LIN54: variants seen among roughly 807,000 people sequenced by gnomAD.
The protein encoded by LIN54 is protein lin-54 homolog.
In LIN54, 9 loss-of-function variants were observed where a neutral mutation model predicts 78.7. The ratio of observed to expected loss-of-function variants is 0.11; its 90% CI spans 0.07 to 0.20. The LOEUF is 0.20. Ranked by LOEUF, LIN54 falls within the 10% of genes least tolerant of loss-of-function variation. The probability of loss-of-function intolerance (pLI) is 1.00; values close to 1 mark genes in which losing one functional copy is unlikely to be tolerated. For synonymous variants in LIN54, 269 were observed against 318.4 expected, an observed-to-expected ratio of 0.84 and a Z score of 1.65; for missense variants, 573 against 889.9, an observed-to-expected ratio of 0.64 and a Z score of 4.53.
At position 82,970,487 on chromosome 4, in the gene LIN54, C is replaced by T. The variant is rs765365831; in HGVS notation, c.809-18G>A. ...AACCCTACCTGCAAATGAGAGGCAG[C>T]ACATCAGTTTGACTTTTTTCAATAA... On this transcript the variant is annotated intron_variant, in intron 3 of 12. Transcript: ENST00000340417. 7 of 1,594,086 alleles carry T rather than the reference C, an allele frequency of 4.4e-6. No homozygotes were observed. In the Admixed American group the frequency reaches 1.1e-4, roughly 25 times the overall value.
chr4:83,002,353 C>G (rs1480327537), intron 1 of LIN54, among the ~76,000 whole-genome samples: 3 of 142,722 alleles, frequency 2.1e-5, no homozygotes, highest in Non-Finnish European at 3.0e-5. Context: ...AGCAACATAG[C>G]GAGACCTCAC....
intron 1 of LIN54, among the ~76,000 whole-genome samples, chr4:82,990,486 C>CT (rs563326471): frequency 1.3e-3 from 195 of 144,900 alleles, no homozygotes; most frequent in South Asian, 6.8e-3. Flanking sequence ...TAACACAAAT[C>CT]TTTTTTTTTT....
At chr4:82,999,797 G>GAAATT (rs1560792522) in intron 1 of LIN54, among the ~76,000 whole-genome samples, 2 of 137,728 alleles carry the variant, frequency 1.5e-5, no homozygotes, top group Non-Finnish European at 3.0e-5. Context: ...AAAAAAAAAG[G>GAAATT]CAAGAAAACA....
intron 3 of LIN54, among the ~76,000 whole-genome samples, chr4:82,978,123 G>A (rs1408972782): frequency 6.6e-6 from 1 of 152,156 alleles, no homozygotes; most frequent in Non-Finnish European, 1.5e-5. Context: ...TGGATTGGGA[G>A]TAGAAAGGCA....
rs369501831 is a variant in LIN54 at position 82,974,681 on chromosome 4, G to A, written c.808+4202C>T. On this transcript the variant is annotated intron_variant, in intron 3 of 12. Transcript: ENST00000340417. Reference sequence around the variant, plus strand: ...GAACCCAGAAGGCAGAGGTTGCAGTGAGCCACGATCGCACCACTGCATTCC... The same window carrying A: ...GAACCCAGAAGGCAGAGGTTGCAGTAAGCCACGATCGCACCACTGCATTCC... Among the ~76,000 whole-genome samples the A allele has an allele frequency of 2.1e-4, 32 of 152,234 alleles. 1 individual carries two copies. The East Asian group carries it at 3.9e-3, about 18-fold the overall frequency.
At chr4:82,943,249 A>C (rs1298027369) in intron 5 of LIN54, among the ~76,000 whole-genome samples, 2 of 152,080 alleles carry the variant, frequency 1.3e-5, no homozygotes, top group Admixed American at 6.6e-5. Flanking sequence ...GAGGCTTTTT[A>C]ACTTCTTAAA....
intron 3 of LIN54, among the ~76,000 whole-genome samples, chr4:82,974,566 A>G (rs558861892): frequency 1.8e-4 from 27 of 151,830 alleles, no homozygotes; most frequent in African/African-American, 6.3e-4. Flanking sequence ...GTGAAACACC[A>G]TCTCTACTAA....
At chr4:82,971,028 T>C (rs576155340) in intron 3 of LIN54, among the ~76,000 whole-genome samples, 1 of 152,316 alleles carries the variant, frequency 6.6e-6, no homozygotes, top group South Asian at 2.1e-4. Context: ...TGTTCCCTTC[T>C]GGACAAGACC....
At chr4:82,973,316 A>C (rs1051182042) in intron 3 of LIN54, among the ~76,000 whole-genome samples, 2 of 152,160 alleles carry the variant, frequency 1.3e-5, no homozygotes, top group Non-Finnish European at 2.9e-5. Context: ...ATATTTCTAG[A>C]TTTCATCAAT....
chr4:82,999,777 C>CAAAAAA lies in LIN54; in HGVS notation c.-33+10701_-33+10706dup, dbSNP rs1295987591. On this transcript the variant is annotated intron_variant, in intron 1 of 12. Transcript: ENST00000340417. The stretch of plus-strand genomic sequence containing the variant: ...TAGGTGACAGGGCGAGACTCTGTCT[C>CAAAAAA]AAAAAAAAAAAAAAAAAAGGCAAGA... Among the ~76,000 whole-genome samples, 19 of 92,116 alleles carry CAAAAAA rather than the reference C, an allele frequency of 2.1e-4. 1 individual carries two copies. The highest frequency in any genetic ancestry group is 3.1e-4 in the East Asian group (1 of 3,212). 60.4% of individuals were successfully genotyped at this position (92,116 alleles called of 152,430 possible).
chr4:82,932,092 A>ATTTTTTT (rs70943171), intron 11 of LIN54, among the ~76,000 whole-genome samples: 3 of 124,848 alleles, frequency 2.4e-5, no homozygotes, highest in Non-Finnish European at 3.4e-5. Flanking sequence ...GTGTATTTTA[A>ATTTTTTT]TTTTTTTTTT....
upstream of LIN54, chr4:83,011,979 G>T: frequency 1.0e-6 from 1 of 967,698 alleles, no homozygotes; most frequent in South Asian, 4.8e-5. Flanking sequence ...GGAAGAGTAA[G>T]GTTGAAGTTG....
chr4:82,934,950 T>C (rs1722273257), intron 11 of LIN54, among the ~76,000 whole-genome samples: 1 of 152,140 alleles, frequency 6.6e-6, no homozygotes, highest in Non-Finnish European at 1.5e-5. Context: ...GGGGAAGATT[T>C]ATATGGCATT....
intron 3 of LIN54, among the ~76,000 whole-genome samples, chr4:82,972,314 ATCTATGAATTTTTAAAGTATTT>A (rs1382383201): frequency 6.6e-6 from 1 of 152,010 alleles, no homozygotes; most frequent in Non-Finnish European, 1.5e-5. Context: ...TTTTATCCCC[ATCTATGAATTTTTAAAGTATTT>A]TCAATACAAT....
chr4:82,943,632 G>A (rs1723113338), intron 5 of LIN54, among the ~76,000 whole-genome samples: 1 of 152,036 alleles, frequency 6.6e-6, no homozygotes, highest in South Asian at 2.1e-4. Context: ...GAAATAACAT[G>A]GGCGTATATG....
intron 4 of LIN54, among the ~76,000 whole-genome samples, chr4:82,958,591 G>A (rs1578545316): frequency 6.6e-6 from 1 of 152,074 alleles, no homozygotes; most frequent in Non-Finnish European, 1.5e-5. Context: ...AAACTGCTAC[G>A]TTACTTTTTA....
intron 4 of LIN54, among the ~76,000 whole-genome samples, chr4:82,968,050 T>G (rs568912143): frequency 8.5e-5 from 13 of 152,070 alleles, no homozygotes; most frequent in East Asian, 1.9e-4. Context: ...TTTGTTTTTT[T>G]TTTTTCTGGA....
At chr4:82,998,008 A>T (rs1728370533) in intron 1 of LIN54, among the ~76,000 whole-genome samples, 2 of 135,042 alleles carry the variant, frequency 1.5e-5, no homozygotes, top group Admixed American at 1.7e-4. Context: ...AAAAAAAAAT[A>T]ATAATATATA....
upstream of LIN54, among the ~76,000 whole-genome samples, chr4:83,012,244 G>A (rs1265853450): frequency 6.6e-6 from 1 of 152,088 alleles, no homozygotes; most frequent in Non-Finnish European, 1.5e-5. Context: ...GTCCCGGCCC[G>A]CTCCCTTCCC....
Sources: allele counts gnomAD v4.1 joint callset (sites outside exome capture counted in the v4.1 genomes callset), GRCh38; gene constraint gnomAD v4.1.1; transcripts MANE v1.5; gene names NCBI Gene and HGNC (gene_info 2026-07-23, HGNC 2026-07-21).